Variants in MED12L observed in about 807,000 individuals in gnomAD.
The protein encoded by MED12L is mediator of RNA polymerase II transcription subunit 12-like protein.
Under a neutral mutation model 281.3 loss-of-function variants are expected in MED12L, and 60 were observed. That is an observed-to-expected ratio of 0.21 (90% CI 0.17 to 0.26). MED12L has a LOEUF of 0.26. Among genes scored for constraint, MED12L ranks in the 10% least tolerant of loss-of-function variants. The pLI, the probability that MED12L is intolerant of heterozygous loss-of-function variation, is 1.00. For missense variants in MED12L, 2,146 were observed against 2,680.9 expected, an observed-to-expected ratio of 0.80 and a Z score of 4.41; for synonymous variants, 974 against 987.2, an observed-to-expected ratio of 0.99 and a Z score of 0.25.
chr3:151,376,090 T>C lies in MED12L; in HGVS notation c.3929T>C (p.Leu1310Ser). Reference protein sequence around the residue: ...ERLCTDKELILDPVLSNMQAQ... With the variant: ...ERLCTDKELISDPVLSNMQAQ... ...TTATGTACAGACAAAGAACTTATATTGGACCCTGTGCTTTCAAATATGCAA... is the reference window on the plus strand; with the variant it reads ...TTATGTACAGACAAAGAACTTATATCGGACCCTGTGCTTTCAAATATGCAA... Residue 1310 changes from leucine (L) to serine (S), a missense_variant, in exon 28 of 45, where the codon TTG (leucine) becomes TCG (serine). This residue lies in a region of MED12L where 235 missense variants were observed against 260.3 expected (regional missense o/e 0.90). Transcript: ENST00000687756. The C allele has an allele frequency of 1.2e-6, 2 of 1,612,392 alleles. No homozygotes were observed. Among genetic ancestry groups the C allele is most frequent in the Non-Finnish European group, 1.7e-6 (2 of 1,179,438 alleles).
chr3:151,189,119 A>C (rs1409538003), intron 13 of MED12L, among the ~76,000 whole-genome samples: 2 of 152,222 alleles, frequency 1.3e-5, no homozygotes, highest in African/African-American at 4.8e-5. Flanking sequence ...AGGTAACAGA[A>C]AAATGGCAAA....
At chr3:151,166,503 AG>A (rs201557573) in intron 11 of MED12L, among the ~76,000 whole-genome samples, 2 of 151,666 alleles carry the variant, frequency 1.3e-5, no homozygotes, top group Non-Finnish European at 2.9e-5. Flanking sequence ...AGAGAGAGAA[AG>A]GGGGGGAGAA....
intron 1 of MED12L, 23 bp from the exon 2 acceptor site, chr3:151,086,775 T>A (rs1464614537): frequency 5.0e-6 from 3 of 596,788 alleles, no homozygotes; most frequent in African/African-American, 3.9e-5. Context: ...GCATCCAACC[T>A]GCTTTATTCC....
chr3:151,226,948 G>A (rs1274148915), intron 16 of MED12L, among the ~76,000 whole-genome samples: 1 of 152,194 alleles, frequency 6.6e-6, no homozygotes, highest in Non-Finnish European at 1.5e-5. Context: ...CAGATCTGCT[G>A]CATGTGGTTT....
Position 151,304,469 on chromosome 3 carries a change from G to A in MED12L, c.2251-45590G>A, listed in dbSNP as rs113875769. ...TGCACCTGTGGTCCCAGCTATTCGG[G>A]AGGCTGAGGCAGGAGAATCGCTTGA... On this transcript the variant is annotated intron_variant, in intron 16 of 44. Transcript: ENST00000687756. 6.8e-3 allele frequency among the ~76,000 whole-genome samples: 1,030 copies of A among 152,232 alleles called. 10 individuals are homozygous for A. The highest frequency in any genetic ancestry group is 0.024 in the South Asian group (114 of 4,828).
At chr3:151,365,363 C>G (rs564889359) in intron 22 of MED12L, among the ~76,000 whole-genome samples, 157 bp downstream of exon 22, 1 of 152,266 alleles carries the variant, frequency 6.6e-6, no homozygotes, top group East Asian at 1.9e-4. Context: ...TCTGCACTAT[C>G]TTTTAATTTC....
chr3:151,280,191 A>G (rs1258184623), intron 16 of MED12L, among the ~76,000 whole-genome samples: 1 of 152,126 alleles, frequency 6.6e-6, no homozygotes, highest in Admixed American at 6.5e-5. Flanking sequence ...GACACTTGGG[A>G]GTAGAGGGAG....
intron 5 of MED12L, among the ~76,000 whole-genome samples, chr3:151,131,629 AAAAC>A (rs1715412612): frequency 6.6e-6 from 1 of 152,148 alleles, no homozygotes; most frequent in Admixed American, 6.5e-5. Flanking sequence ...CAAACAAACA[AAAAC>A]AAAAAACAGT....
intron 5 of MED12L, among the ~76,000 whole-genome samples, chr3:151,145,663 C>A (rs1261892531): frequency 6.6e-6 from 1 of 152,216 alleles, no homozygotes; most frequent in Non-Finnish European, 1.5e-5. Context: ...CTCTTTCTTA[C>A]ACTTGGATGT....
At chr3:151,364,546 A>G (rs1359831396) in intron 21 of MED12L, among the ~76,000 whole-genome samples, 2 of 152,266 alleles carry the variant, frequency 1.3e-5, no homozygotes, top group East Asian at 3.9e-4. Flanking sequence ...CGTACACTAT[A>G]CCAGAGAAAT....
Position 151,372,785 on chromosome 3 carries a change from CCTTTTA to C in MED12L, c.3864+24_3864+29del. 6.2e-7 allele frequency: 1 copy of C among 1,601,634 alleles called. No individual in the cohort carries two copies. The highest frequency in any genetic ancestry group is 8.6e-7 in the Non-Finnish European group (1 of 1,169,172). On this transcript the variant is annotated intron_variant, in intron 27 of 44. Coordinates refer to ENST00000687756, the MANE Select transcript of MED12L (RefSeq NM_001393769.1). Reference sequence around the variant, plus strand: ...TCAACAGGTATTCTAATTTAATTTGCCTTTTACTTTGAGTACGTAACTCTTCTTTTG... The same window carrying C: ...TCAACAGGTATTCTAATTTAATTTGCCTTTGAGTACGTAACTCTTCTTTTG...
chr3:151,373,873 T>C (rs1756494645), intron 27 of MED12L, among the ~76,000 whole-genome samples: 2 of 152,178 alleles, frequency 1.3e-5, no homozygotes, highest in Admixed American at 1.3e-4. Context: ...CAGAGAACGT[T>C]ACTGAGAAAC....
At chr3:151,346,318 T>A (rs774839628) in intron 16 of MED12L, among the ~76,000 whole-genome samples, 2 of 152,372 alleles carry the variant, frequency 1.3e-5, no homozygotes, top group Non-Finnish European at 2.9e-5. Context: ...GAAATTTGTT[T>A]ATTTGAAAGA....
chr3:151,189,381 A>G (rs1451605064), intron 13 of MED12L, among the ~76,000 whole-genome samples: 2 of 152,184 alleles, frequency 1.3e-5, no homozygotes, highest in Non-Finnish European at 2.9e-5. Context: ...ATGGAAAAGG[A>G]AGCAGAAAAG....
chr3:151,141,282 A>G (rs890114358), intron 5 of MED12L, among the ~76,000 whole-genome samples: 2 of 150,812 alleles, frequency 1.3e-5, no homozygotes, highest in Non-Finnish European at 2.9e-5. Context: ...TTGACCTCCA[A>G]AAGTGCTGGG....
chr3:151,124,747 G>T (rs1013002651), intron 4 of MED12L, among the ~76,000 whole-genome samples: 3 of 152,146 alleles, frequency 2.0e-5, no homozygotes, highest in African/African-American at 7.2e-5. Context: ...GCGCGCCAAG[G>T]CGTTTATCCA....
intron 7 of MED12L, among the ~76,000 whole-genome samples, chr3:151,159,556 T>A (rs1382757840): frequency 6.6e-6 from 1 of 152,228 alleles, no homozygotes; most frequent in Non-Finnish European, 1.5e-5. Context: ...AGTAATACTT[T>A]TTATGTTGAT....
At chr3:151,147,899 T>C (rs931637875) in intron 5 of MED12L, among the ~76,000 whole-genome samples, 1 of 152,268 alleles carries the variant, frequency 6.6e-6, no homozygotes, top group East Asian at 1.9e-4. Flanking sequence ...TATAACTTAC[T>C]GGATTATGTG....
chr3:151,417,445 T>C (rs1398713719), intron 43 of MED12L, among the ~76,000 whole-genome samples: 1 of 150,900 alleles, frequency 6.6e-6, no homozygotes. Flanking sequence ...TAACAAACTC[T>C]GCGTAAGCCA....
Sources: allele counts gnomAD v4.1 joint callset (sites outside exome capture counted in the v4.1 genomes callset), GRCh38; gene constraint gnomAD v4.1.1; regional missense constraint gnomAD v4.1.1; transcripts MANE v1.5; gene names NCBI Gene and HGNC (gene_info 2026-07-23, HGNC 2026-07-21).